The following SCN8A variants were observed in gnomAD, a reference collection of about 807,000 sequenced individuals.
SCN8A encodes sodium voltage-gated channel alpha subunit 8.
A neutral mutation model predicts 184.1 loss-of-function variants in SCN8A; 30 were observed. The ratio of observed to expected loss-of-function variants is 0.16; its 90% CI spans 0.12 to 0.22. SCN8A has a LOEUF of 0.22. Ranked by LOEUF, SCN8A falls within the 10% of genes least tolerant of loss-of-function variation. The pLI is 1.00. For synonymous variants in SCN8A, 852 were observed against 907.0 expected, an observed-to-expected ratio of 0.94 and a Z score of 1.09; for missense variants, 1,057 against 2,498.9, an observed-to-expected ratio of 0.42 and a Z score of 12.30.
At chr12:51,680,998 C>CT (rs1941322059) in intron 2 of SCN8A, among the ~76,000 whole-genome samples, 1 of 152,002 alleles carries the variant, frequency 6.6e-6, no homozygotes, top group African/African-American at 2.4e-5. Context: ...AAGCAAAACT[C>CT]TGTCTCAAAA....
chr12:51,594,812 G>C (rs1939309845), intron 1 of SCN8A, among the ~76,000 whole-genome samples: 1 of 151,890 alleles, frequency 6.6e-6, no homozygotes, highest in Admixed American at 6.6e-5. Context: ...CCATAGAGAG[G>C]GAAAGAAGCG....
chr12:51,662,237 G>A (rs967555484), intron 1 of SCN8A, among the ~76,000 whole-genome samples: 2 of 152,202 alleles, frequency 1.3e-5, no homozygotes, highest in African/African-American at 4.8e-5. Context: ...TAAAGCAGAT[G>A]GAAGCGATTT....
At chr12:51,720,075 CAAAAAA>C (rs397944526) in intron 11 of SCN8A, among the ~76,000 whole-genome samples, 6 of 85,502 alleles carry the variant, frequency 7.0e-5, no homozygotes, top group Non-Finnish European at 8.3e-5. Flanking sequence ...GACTCCGTCT[CAAAAAA>C]AAAAAAAAAA....
intron 20 of SCN8A, among the ~76,000 whole-genome samples, chr12:51,779,337 G>A (rs1037386035): frequency 6.6e-6 from 1 of 152,142 alleles, no homozygotes; most frequent in African/African-American, 2.4e-5. Flanking sequence ...CTCAGGCCCA[G>A]GAAGGCATAA....
chr12:51,798,388 G>C (rs1183995374), intron 26 of SCN8A, among the ~76,000 whole-genome samples: 6 of 152,130 alleles, frequency 3.9e-5, no homozygotes, highest in Non-Finnish European at 8.8e-5. Flanking sequence ...CATATCCAGA[G>C]TAAGTGTCTG....
chr12:51,626,126 A>T (rs886932093), intron 1 of SCN8A, among the ~76,000 whole-genome samples: 4 of 152,220 alleles, frequency 2.6e-5, no homozygotes, highest in Admixed American at 6.5e-5. Flanking sequence ...TGGGAAAGGC[A>T]AGGCAGGGCA....
chr12:51,783,585 A>G (rs901102902), intron 21 of SCN8A, among the ~76,000 whole-genome samples: 3 of 152,236 alleles, frequency 2.0e-5, no homozygotes, highest in African/African-American at 7.2e-5. Flanking sequence ...GGAATACTTA[A>G]TGTAGTTCTT....
rs1592177075 is a variant in SCN8A at position 51,809,869 on chromosome 12, C to T, written c.*2440C>T. 1 of 152,124 alleles carries T rather than the reference C, an allele frequency of 6.6e-6. No individual in the cohort carries two copies. Among genetic ancestry groups the T allele is most frequent in the African/African-American group, 2.4e-5 (1 of 41,430 alleles). The allele number at this position is 152,124 out of a possible 1,614,324, so 9.4% of individuals were successfully genotyped here. A position where few individuals can be genotyped will look rare whatever the true frequency, so the allele number is the denominator to read the frequency against. ...CTGTCAGCCAATGTACATCCCCAAA[C>T]CAGACAGACAGACAAAAAATTTTTT... On this transcript the variant is annotated 3_prime_UTR_variant, in exon 27 of 27. Transcript: ENST00000627620.
At chr12:51,677,056 GTTTTATTTTATTTTATTTTATTTTA>G (rs58540656) in intron 2 of SCN8A, among the ~76,000 whole-genome samples, 4 of 133,114 alleles carry the variant, frequency 3.0e-5, no homozygotes, top group African/African-American at 5.8e-5. Flanking sequence ...TTATTGTTTT[GTTTTATTTTATTTTATTTTATTTTA>G]TTTTATTTTA....
chr12:51,637,971 A>T (rs1000064442), intron 1 of SCN8A, among the ~76,000 whole-genome samples: 3 of 152,176 alleles, frequency 2.0e-5, no homozygotes, highest in Non-Finnish European at 4.4e-5. Flanking sequence ...TGGTGACTTT[A>T]AGTGGAAGCC....
At chr12:51,636,879 C>T (rs368082793) in intron 1 of SCN8A, among the ~76,000 whole-genome samples, 1 of 152,190 alleles carries the variant, frequency 6.6e-6, no homozygotes, top group Non-Finnish European at 1.5e-5. Flanking sequence ...TACAGGCATA[C>T]CTCATTTTAT....
At chr12:51,789,951 A>G (rs1332831655) in intron 24 of SCN8A, among the ~76,000 whole-genome samples, 2 of 152,228 alleles carry the variant, frequency 1.3e-5, no homozygotes, top group Non-Finnish European at 2.9e-5. Context: ...ACACCCTCCA[A>G]ATTGCTTTCT....
At chr12:51,606,786 G>C (rs886997530) in intron 1 of SCN8A, among the ~76,000 whole-genome samples, 1 of 151,656 alleles carries the variant, frequency 6.6e-6, no homozygotes, top group Non-Finnish European at 1.5e-5. Flanking sequence ...AGTTTTCTTT[G>C]TAGAGGTCTT....
At chr12:51,701,985 C>T (rs970658271) in intron 8 of SCN8A, among the ~76,000 whole-genome samples, 2 of 152,078 alleles carry the variant, frequency 1.3e-5, no homozygotes, top group African/African-American at 2.4e-5. Context: ...GAAATCCCCC[C>T]TTGACTTAGG....
chr12:51,645,815 C>G lies in SCN8A; in HGVS notation c.-54-16949C>G, dbSNP rs1312457223. On this transcript the variant is annotated intron_variant, in intron 1 of 26. Transcript: ENST00000627620. ...CAAGTACCCAGGGACACAAACACTG[C>G]GGAAGGCCTCAGGGTCCTCTGCCTA... is the stretch of plus-strand genomic sequence containing the variant. 8.0e-5 allele frequency among the ~76,000 whole-genome samples: 12 copies of G among 149,096 alleles called. No individual in the cohort carries two copies. The South Asian group carries it at 2.6e-3, about 32-fold the overall frequency.
intron 1 of SCN8A, among the ~76,000 whole-genome samples, chr12:51,641,491 T>C (rs1335969895): frequency 6.6e-6 from 1 of 152,250 alleles, no homozygotes; most frequent in Non-Finnish European, 1.5e-5. Flanking sequence ...GCTCTGCTAC[T>C]TATTATCTTT....
At chr12:51,644,232 G>A (rs2138637398) in intron 1 of SCN8A, among the ~76,000 whole-genome samples, 1 of 152,312 alleles carries the variant, frequency 6.6e-6, no homozygotes, top group East Asian at 1.9e-4. Flanking sequence ...AAGGGAAAGA[G>A]TGCTGATCAC....
intron 1 of SCN8A, among the ~76,000 whole-genome samples, chr12:51,592,567 G>A (rs1296533155): frequency 6.6e-6 from 1 of 151,976 alleles, no homozygotes; most frequent in Non-Finnish European, 1.5e-5. Context: ...ATCTGTTTGG[G>A]GGGAGGGTAG....
chr12:51,604,583 T>C (rs953385018), intron 1 of SCN8A, among the ~76,000 whole-genome samples: 1 of 152,136 alleles, frequency 6.6e-6, no homozygotes, highest in Non-Finnish European at 1.5e-5. Context: ...CAGGCTGGAG[T>C]GCATGTCACG....
Sources: allele counts gnomAD v4.1 joint callset (sites outside exome capture counted in the v4.1 genomes callset), GRCh38; gene constraint gnomAD v4.1.1; transcripts MANE v1.5; gene names NCBI Gene and HGNC (gene_info 2026-07-23, HGNC 2026-07-21).